The following POFUT3 variants were observed in gnomAD, a reference collection of about 807,000 sequenced individuals.
The protein encoded by POFUT3 is protein O-fucosyltransferase 3.
the POFUT3 span, among the ~76,000 whole-genome samples, chr8:33,315,728 A>G: frequency 5.3e-5 from 8 of 152,146 alleles, no homozygotes; most frequent in Non-Finnish European, 4.4e-5. Flanking sequence ...CTGAGATTCT[A>G]TGAGACTCCC....
the POFUT3 span, among the ~76,000 whole-genome samples, chr8:33,405,580 C>T: frequency 6.6e-6 from 1 of 152,096 alleles, no homozygotes. Context: ...CAACTTTTAA[C>T]CTGACCTTTG....
chr8:33,455,833 G>A, the POFUT3 span: 1 of 455,962 alleles, frequency 2.2e-6, no homozygotes, highest in Non-Finnish European at 4.4e-6. Context: ...AGCATTGCAT[G>A]GAGTCTGTAA....
the POFUT3 span, among the ~76,000 whole-genome samples, chr8:33,385,016 C>T: frequency 2.0e-5 from 3 of 152,060 alleles, no homozygotes; most frequent in Non-Finnish European, 2.9e-5. Flanking sequence ...CCTCAAAGAA[C>T]GATGGAATAG....
At chr8:33,314,162 T>C in the POFUT3 span, among the ~76,000 whole-genome samples, 35 of 152,328 alleles carry the variant, frequency 2.3e-4, no homozygotes, top group African/African-American at 8.2e-4. Context: ...TGGCAGCTCA[T>C]GTTTCTGTCC....
the POFUT3 span, among the ~76,000 whole-genome samples, chr8:33,331,216 C>A: frequency 6.6e-6 from 1 of 151,808 alleles, no homozygotes; most frequent in Non-Finnish European, 1.5e-5. Flanking sequence ...CGCCTGTAAT[C>A]CCAGCTACTC....
the POFUT3 span, among the ~76,000 whole-genome samples, chr8:33,327,793 T>C: frequency 6.6e-6 from 1 of 152,214 alleles, no homozygotes; most frequent in Admixed American, 6.5e-5. Context: ...TGGGAGGGTT[T>C]GCCAGTGTGT....
At chr8:33,353,395 G>C in the POFUT3 span, among the ~76,000 whole-genome samples, 2 of 152,196 alleles carry the variant, frequency 1.3e-5, no homozygotes, top group Non-Finnish European at 2.9e-5. Context: ...TTCTGATCAA[G>C]TTGACACAGA....
At chr8:33,456,115 C>T in the POFUT3 span, among the ~76,000 whole-genome samples, 1 of 152,124 alleles carries the variant, frequency 6.6e-6, no homozygotes, top group Admixed American at 6.6e-5. Flanking sequence ...TAGTTTGATC[C>T]ATGGGAGATG....
chr8:33,386,593 G>A, the POFUT3 span, among the ~76,000 whole-genome samples: 4 of 152,138 alleles, frequency 2.6e-5, no homozygotes, highest in Non-Finnish European at 1.5e-5. Flanking sequence ...GGAGGATCAC[G>A]AGGTTGGGAG....
chr8:33,472,107 T>C, the POFUT3 span, among the ~76,000 whole-genome samples: 1 of 152,196 alleles, frequency 6.6e-6, no homozygotes, highest in Non-Finnish European at 1.5e-5. Flanking sequence ...GTGAGTTTCC[T>C]GGGTGTCTCA....
the POFUT3 span, among the ~76,000 whole-genome samples, chr8:33,412,400 C>T: frequency 2.6e-5 from 4 of 152,138 alleles, no homozygotes; most frequent in Non-Finnish European, 5.9e-5. Flanking sequence ...TCAACTACTG[C>T]GCCACCAAGG....
chr8:33,387,501 G>C, the POFUT3 span, among the ~76,000 whole-genome samples: 2 of 152,062 alleles, frequency 1.3e-5, no homozygotes, highest in African/African-American at 4.8e-5. Context: ...AAAGTTGTTG[G>C]CCTTCGGAAA....
the POFUT3 span, chr8:33,389,546 CTT>C: frequency 6.2e-7 from 1 of 1,614,166 alleles, no homozygotes; most frequent in Non-Finnish European, 8.5e-7. Flanking sequence ...CGGAGCAAGT[CTT>C]TTTCTAAGCT....
At chr8:33,471,060 GA>G in the POFUT3 span, among the ~76,000 whole-genome samples, 13 of 151,542 alleles carry the variant, frequency 8.6e-5, no homozygotes, top group Admixed American at 2.0e-4. Context: ...CATTATCAAA[GA>G]AAAAAATCTG....
the POFUT3 span, among the ~76,000 whole-genome samples, chr8:33,436,008 AC>A: frequency 2.0e-5 from 3 of 152,088 alleles, no homozygotes; most frequent in Non-Finnish European, 2.9e-5. Flanking sequence ...AGGAGACAGC[AC>A]AGCCCCCACC....
chr8:33,376,682 T>C, the POFUT3 span, among the ~76,000 whole-genome samples: 1 of 152,132 alleles, frequency 6.6e-6, no homozygotes, highest in South Asian at 2.1e-4. Context: ...TGCAAACCAT[T>C]AGGAATGCTA....
At chr8:33,320,520 C>T in the POFUT3 span, among the ~76,000 whole-genome samples, 1 of 152,046 alleles carries the variant, frequency 6.6e-6, no homozygotes, top group Non-Finnish European at 1.5e-5. Flanking sequence ...TACTCCAAAA[C>T]TCAGTGGTTA....
At chr8:33,318,836 A>G in the POFUT3 span, among the ~76,000 whole-genome samples, 1 of 52,740 alleles carries the variant, frequency 1.9e-5, no homozygotes, top group Non-Finnish European at 2.8e-5. Flanking sequence ...TTTTATATAT[A>G]TTTATATAAT....
the POFUT3 span, among the ~76,000 whole-genome samples, chr8:33,340,662 C>CT: frequency 1.3e-5 from 2 of 151,972 alleles, no homozygotes; most frequent in Non-Finnish European, 2.9e-5. Flanking sequence ...ATAAAGTAGA[C>CT]TTCAGAGCCA....
Sources: gnomAD v4.1 joint callset for allele counts (sites outside exome capture counted in the v4.1 genomes callset) on GRCh38, gnomAD v4.1.1 for gene constraint, MANE v1.5 for transcripts, NCBI Gene and HGNC (gene_info 2026-07-23, HGNC 2026-07-21) for gene names.